The following PTPRT variants were observed in gnomAD, a reference collection of about 807,000 sequenced individuals.
PTPRT encodes the protein receptor-type tyrosine-protein phosphatase T.
In PTPRT, 56 loss-of-function variants were observed where a neutral mutation model predicts 176.8. That is an observed-to-expected ratio of 0.32 (90% CI 0.26 to 0.40). The LOEUF is 0.40. Among genes scored for constraint, PTPRT ranks in the 10% least tolerant of loss-of-function variants. PTPRT has a pLI of 1.00. For missense variants in PTPRT, 1,540 were observed against 1,908.2 expected, an observed-to-expected ratio of 0.81 and a Z score of 3.60; for synonymous variants, 783 against 739.0, an observed-to-expected ratio of 1.06 and a Z score of -0.96.
Position 42,172,359 on chromosome 20 carries a change from A to G in PTPRT, c.2492-10817T>C, listed in dbSNP as rs556985271. 2.6e-5 allele frequency among the ~76,000 whole-genome samples: 4 copies of G among 152,296 alleles called. No homozygotes were observed. In the South Asian group the frequency reaches 8.3e-4, roughly 32 times the overall value. On this transcript the variant is annotated intron_variant, in intron 16 of 30. Transcript: ENST00000373187. ...CAAAAAATGATTAAGGAAAAAAGAC[A>G]CAAATAAGCCACTTCACAGTTGTTA...
At chr20:42,770,434 G>A (rs957753184) in intron 5 of PTPRT, among the ~76,000 whole-genome samples, 2 of 152,174 alleles carry the variant, frequency 1.3e-5, no homozygotes, top group Admixed American at 6.5e-5. Context: ...GTATGCTAAT[G>A]TTATAACAAG....
At chr20:42,066,997 C>CAATGT in the PTPRT span, among the ~76,000 whole-genome samples, 1 of 152,222 alleles carries the variant, frequency 6.6e-6, no homozygotes. Flanking sequence ...CACAGGCAGG[C>CAATGT]ACATTCTCTC....
At chr20:42,613,417 C>T (rs181464112) in intron 7 of PTPRT, among the ~76,000 whole-genome samples, 54 of 152,310 alleles carry the variant, frequency 3.5e-4, no homozygotes, top group African/African-American at 1.3e-3. Flanking sequence ...GCGAATAGCC[C>T]GTTAAATCCA....
intron 2 of PTPRT, among the ~76,000 whole-genome samples, chr20:42,795,708 A>G (rs2077444689): frequency 6.6e-6 from 1 of 152,170 alleles, no homozygotes; most frequent in South Asian, 2.1e-4. Flanking sequence ...ACATGAAACA[A>G]GTTCTGGATC....
chr20:43,010,404 C>T (rs1445559858), intron 1 of PTPRT, among the ~76,000 whole-genome samples: 1 of 152,158 alleles, frequency 6.6e-6, no homozygotes, highest in African/African-American at 2.4e-5. Flanking sequence ...TGCTGATCCT[C>T]CCCATTGAGC....
In PTPRT at chr20:42,488,825, A is replaced by G. The variant is rs141937180; in HGVS notation, c.1154-16263T>C. Among the ~76,000 whole-genome samples, 1,067 of 152,032 alleles carry G rather than the reference A, an allele frequency of 7.0e-3. 12 individuals carry two copies. The highest frequency in any genetic ancestry group is 0.024 in the African/African-American group (1,004 of 41,490). ...ACTAAAAATACAAAATTAGCCGGAC[A>G]TGGTGGTGCATGCCTGTAATCCCAG... On this transcript the variant is annotated intron_variant, in intron 7 of 30. Coordinates refer to ENST00000373187, the MANE Select transcript of PTPRT (RefSeq NM_007050.6).
chr20:42,076,393 A>G lies in PTPRT; in HGVS notation c.*4486T>C, dbSNP rs1982776045. Reference sequence around the variant, plus strand: ...GAATCTGCTGAGTACAGCTGTGTCCAGCTTCTCTTTTCCCTTTAGGGTTTT... The same window carrying G: ...GAATCTGCTGAGTACAGCTGTGTCCGGCTTCTCTTTTCCCTTTAGGGTTTT... On this transcript the variant is annotated 3_prime_UTR_variant, in exon 31 of 31. Transcript: ENST00000373187. The G allele has an allele frequency of 5.0e-6, 1 of 199,210 alleles. No homozygotes were observed. Among genetic ancestry groups the G allele is most frequent in the African/African-American group, 2.3e-5 (1 of 43,562 alleles). The allele number at this position is 199,210 out of a possible 1,614,324, so 12.3% of individuals were successfully genotyped here.
chr20:42,981,167 T>C (rs1288154852), intron 1 of PTPRT, among the ~76,000 whole-genome samples: 3 of 152,242 alleles, frequency 2.0e-5, no homozygotes, highest in Non-Finnish European at 4.4e-5. Context: ...CCTTGCCTGA[T>C]TAAATTTGTC....
intron 1 of PTPRT, among the ~76,000 whole-genome samples, chr20:43,015,979 C>A (rs78572168): frequency 6.6e-6 from 1 of 151,486 alleles, no homozygotes; most frequent in South Asian, 2.1e-4. Flanking sequence ...GTCCACATTG[C>A]GACATGTCCC....
intron 1 of PTPRT, among the ~76,000 whole-genome samples, chr20:43,057,916 T>A (rs1353985364): frequency 6.6e-6 from 1 of 152,176 alleles, no homozygotes; most frequent in East Asian, 1.9e-4. Flanking sequence ...GTCAGTTTTG[T>A]TCCCCCACTC....
chr20:42,437,597 A>C (rs554532248), intron 9 of PTPRT, among the ~76,000 whole-genome samples: 7 of 152,316 alleles, frequency 4.6e-5, no homozygotes, highest in African/African-American at 1.7e-4. Flanking sequence ...TGAAACCATA[A>C]TGAGGTAGAC....
At chr20:42,312,180 T>C (rs908578092) in intron 12 of PTPRT, among the ~76,000 whole-genome samples, 1 of 152,250 alleles carries the variant, frequency 6.6e-6, no homozygotes, top group African/African-American at 2.4e-5. Context: ...TTCTCAATTC[T>C]TGATTTCTTT....
intron 7 of PTPRT, among the ~76,000 whole-genome samples, chr20:42,616,602 CTT>C (rs1289609677): frequency 3.6e-5 from 4 of 110,698 alleles, no homozygotes; most frequent in South Asian, 5.9e-4. Context: ...TTTGTATCCT[CTT>C]TTATTTCCTT....
intron 12 of PTPRT, among the ~76,000 whole-genome samples, chr20:42,307,188 A>G: frequency 6.6e-6 from 1 of 152,230 alleles, no homozygotes; most frequent in East Asian, 1.9e-4. Flanking sequence ...AAGTGTGGCC[A>G]TGTGGTTAGC....
chr20:42,836,131 G>T (rs2078176775), intron 2 of PTPRT, among the ~76,000 whole-genome samples: 1 of 152,054 alleles, frequency 6.6e-6, no homozygotes, highest in South Asian at 2.1e-4. Flanking sequence ...CACCTCAGAT[G>T]CCTGTAATCA....
intron 29 of PTPRT, 90 bp downstream of exon 29, chr20:42,084,592 C>T (rs1983683507): frequency 1.7e-6 from 2 of 1,174,696 alleles, no homozygotes; most frequent in Non-Finnish European, 2.2e-6. Context: ...CCAGGCCTGC[C>T]TAGGACTGGG....
intron 2 of PTPRT, among the ~76,000 whole-genome samples, chr20:42,814,932 G>C (rs183590464): frequency 2.0e-5 from 3 of 152,174 alleles, no homozygotes; most frequent in Non-Finnish European, 4.4e-5. Context: ...CAACAGAAGA[G>C]AGAAAAGAGA....
chr20:42,486,474 G>A (rs1474508895), intron 7 of PTPRT, among the ~76,000 whole-genome samples: 1 of 152,014 alleles, frequency 6.6e-6, no homozygotes, highest in Non-Finnish European at 1.5e-5. Context: ...TGAACTGTGT[G>A]ACATTGAAAA....
At chr20:42,663,550 G>A (rs1326643907) in intron 7 of PTPRT, among the ~76,000 whole-genome samples, 3 of 152,134 alleles carry the variant, frequency 2.0e-5, no homozygotes, top group African/African-American at 7.2e-5. Context: ...AGAATCCAGG[G>A]CAGGCAGTGA....
Sources: gnomAD v4.1 joint callset for allele counts (sites outside exome capture counted in the v4.1 genomes callset) on GRCh38, gnomAD v4.1.1 for gene constraint, MANE v1.5 for transcripts, NCBI Gene and HGNC (gene_info 2026-07-23, HGNC 2026-07-21) for gene names.